Variants in WWOX observed in about 807,000 individuals in gnomAD.
WWOX encodes WW domain-containing oxidoreductase.
Under a neutral mutation model 46.2 loss-of-function variants are expected in WWOX, and 69 were observed. The ratio of observed to expected loss-of-function variants is 1.49; its 90% CI spans 1.23 to 1.82. WWOX has a LOEUF of 1.82. WWOX is among the 40% of genes most tolerant of loss of function. WWOX has a pLI of 0.00. For synonymous variants in WWOX, 359 were observed against 202.6 expected, an observed-to-expected ratio of 1.77 and a Z score of -6.56; for missense variants, 919 against 542.6, an observed-to-expected ratio of 1.69 and a Z score of -6.89.
At chr16:78,568,121 T>G (rs1244571555) in intron 8 of WWOX, among the ~76,000 whole-genome samples, 1 of 152,156 alleles carries the variant, frequency 6.6e-6, no homozygotes, top group Non-Finnish European at 1.5e-5. Context: ...AATTTGAAAG[T>G]GTGCATTAAT....
At chr16:78,144,153 C>A (rs1179098722) in intron 4 of WWOX, among the ~76,000 whole-genome samples, 1 of 151,786 alleles carries the variant, frequency 6.6e-6, no homozygotes, top group Non-Finnish European at 1.5e-5. Flanking sequence ...TATTTTAAAA[C>A]CCTGGGTTGT....
chr16:78,376,023 G>T (rs2081815424), intron 5 of WWOX, among the ~76,000 whole-genome samples: 1 of 151,936 alleles, frequency 6.6e-6, no homozygotes, highest in Non-Finnish European at 1.5e-5. Flanking sequence ...GCTAATTTTT[G>T]TATTTTTGTA....
chr16:79,037,714 T>C (rs1213128597), intron 8 of WWOX, among the ~76,000 whole-genome samples: 2 of 152,138 alleles, frequency 1.3e-5, no homozygotes, highest in Non-Finnish European at 2.9e-5. Flanking sequence ...CAGGTAAATA[T>C]GTCATTGGAG....
At chr16:78,983,324 C>T (rs919118249) in intron 8 of WWOX, among the ~76,000 whole-genome samples, 4 of 152,136 alleles carry the variant, frequency 2.6e-5, no homozygotes, top group African/African-American at 9.7e-5. Context: ...AGGGCCTCCT[C>T]GTATCTGGTC....
In WWOX at chr16:78,241,498, G is replaced by A. The variant is rs538522231; in HGVS notation, c.516+77209G>A. Among the ~76,000 whole-genome samples the A allele has an allele frequency of 3.9e-5, 6 of 152,088 alleles. No individual in the cohort carries two copies. In the East Asian group the frequency reaches 7.8e-4, roughly 20 times the overall value. On this transcript the variant is annotated intron_variant, in intron 5 of 8. Coordinates refer to ENST00000566780, the MANE Select transcript of WWOX (RefSeq NM_016373.4). ...GGCTGGAGTGCAGTGGCGCCATCTC[G>A]GCTCACTGCAGACTCTTCCTCTTGA...
chr16:78,981,345 G>C (rs561634804), intron 8 of WWOX, among the ~76,000 whole-genome samples: 1 of 152,190 alleles, frequency 6.6e-6, no homozygotes, highest in Non-Finnish European at 1.5e-5. Context: ...AACGCCAGCA[G>C]ATCTCTTTAG....
intron 4 of WWOX, among the ~76,000 whole-genome samples, chr16:78,141,786 A>C (rs975201308): frequency 6.6e-6 from 1 of 152,066 alleles, no homozygotes. Flanking sequence ...TCAGTGTGTA[A>C]TTAATAAAGT....
intron 8 of WWOX, among the ~76,000 whole-genome samples, chr16:78,914,908 C>G (rs1024682785): frequency 6.9e-6 from 1 of 145,566 alleles, no homozygotes; most frequent in Non-Finnish European, 1.5e-5. Flanking sequence ...AAAAAAGGAA[C>G]CAGATGGCCC....
intron 8 of WWOX, among the ~76,000 whole-genome samples, chr16:79,092,025 C>G (rs1200213243): frequency 6.6e-6 from 1 of 152,088 alleles, no homozygotes; most frequent in Non-Finnish European, 1.5e-5. Context: ...GTGATCTTTT[C>G]TCGCCTCGGC....
At chr16:78,356,101 C>T (rs568104695) in intron 5 of WWOX, among the ~76,000 whole-genome samples, 28 of 24,132 alleles carry the variant, frequency 1.2e-3, no homozygotes, top group East Asian at 4.1e-3. Flanking sequence ...AAAGAAGAAT[C>T]GATTGAACCC....
intron 8 of WWOX, among the ~76,000 whole-genome samples, chr16:78,746,659 A>T (rs949034214): frequency 6.6e-6 from 1 of 151,794 alleles, no homozygotes; most frequent in Admixed American, 6.6e-5. Flanking sequence ...ATGTGCTTGC[A>T]TGATTGGCTT....
At chr16:78,875,435 G>C (rs1277655651) in intron 8 of WWOX, among the ~76,000 whole-genome samples, 2 of 152,134 alleles carry the variant, frequency 1.3e-5, no homozygotes. Flanking sequence ...GATCTGCCTG[G>C]CTAGAATGAT....
intron 6 of WWOX, among the ~76,000 whole-genome samples, chr16:78,420,947 G>C (rs1204707880): frequency 6.6e-6 from 1 of 152,032 alleles, no homozygotes; most frequent in Non-Finnish European, 1.5e-5. Context: ...TTAATTTCCT[G>C]CTTTTTCAAT....
intron 8 of WWOX, among the ~76,000 whole-genome samples, chr16:78,871,662 C>T (rs2044131406): frequency 6.6e-6 from 1 of 152,196 alleles, no homozygotes; most frequent in Non-Finnish European, 1.5e-5. Flanking sequence ...TGCAGTAGTG[C>T]AATTTCAGCT....
intron 5 of WWOX, among the ~76,000 whole-genome samples, chr16:78,266,442 G>C (rs763090122): frequency 6.6e-6 from 1 of 152,104 alleles, no homozygotes; most frequent in Non-Finnish European, 1.5e-5. Flanking sequence ...AATACTCTCT[G>C]CTCCTTTCCA....
chr16:78,600,095 C>G (rs1377849170), intron 8 of WWOX, among the ~76,000 whole-genome samples: 1 of 152,016 alleles, frequency 6.6e-6, no homozygotes, highest in Non-Finnish European at 1.5e-5. Flanking sequence ...AAAGAGTGAG[C>G]TTGTGCAGGG....
In WWOX at chr16:78,164,081, A is replaced by G. The variant is rs2034886316; in HGVS notation, c.410-102A>G. ...TGGGGATCAAAATCACCCCTGGTTGAGAACTTGGGGTAATTTAAGTGGTGC... is the reference window on the plus strand; with the variant it reads ...TGGGGATCAAAATCACCCCTGGTTGGGAACTTGGGGTAATTTAAGTGGTGC... On this transcript the variant is annotated intron_variant, in intron 4 of 8. Transcript: ENST00000566780. The G allele has an allele frequency of 1.3e-5, 14 of 1,078,842 alleles. No individual in the cohort carries two copies. In the South Asian group the frequency reaches 1.9e-4, roughly 15 times the overall value. 66.8% of individuals were successfully genotyped at this position (1,078,842 alleles called of 1,614,324 possible). A position where few individuals can be genotyped will look rare whatever the true frequency, so the allele number is the denominator to read the frequency against.
chr16:78,102,165 C>T (rs187981322), intron 1 of WWOX, among the ~76,000 whole-genome samples: 83 of 152,246 alleles, frequency 5.5e-4, no homozygotes, highest in African/African-American at 1.9e-3. Flanking sequence ...AGCCAGCCTC[C>T]CTCCCGAAGC....
intron 8 of WWOX, among the ~76,000 whole-genome samples, chr16:79,173,633 A>T (rs1051523450): frequency 2.0e-5 from 3 of 151,814 alleles, no homozygotes; most frequent in Non-Finnish European, 4.4e-5. Context: ...CTCTTGAAAA[A>T]TTTGAAGAAA....
Sources: gnomAD v4.1 joint callset for allele counts (sites outside exome capture counted in the v4.1 genomes callset) on GRCh38, gnomAD v4.1.1 for gene constraint, MANE v1.5 for transcripts, NCBI Gene and HGNC (gene_info 2026-07-23, HGNC 2026-07-21) for gene names.